The following TPCN2 variants were observed in gnomAD, a reference collection of about 807,000 sequenced individuals.
TPCN2 encodes two pore channel protein 2.
A neutral mutation model predicts 111.4 loss-of-function variants in TPCN2; 92 were observed. The ratio of observed to expected loss-of-function variants is 0.83; its 90% CI spans 0.70 to 0.98. TPCN2 has a LOEUF of 0.98. Among genes scored for constraint, TPCN2 ranks in the 50% least tolerant of loss-of-function variants. The pLI is 0.00. For synonymous variants in TPCN2, 405 were observed against 414.5 expected (o/e 0.98, Z 0.28); for missense variants, 995 against 980.1 (o/e 1.02, Z -0.20).
chr11:69,051,512 C>T (rs1026873541), intron 1 of TPCN2, among the ~76,000 whole-genome samples: 1 of 152,236 alleles, frequency 6.6e-6, no homozygotes, highest in Non-Finnish European at 1.5e-5. Context: ...CAGGACCCTA[C>T]ACAGGTTGTG....
At chr11:69,057,761 G>A in intron 5 of TPCN2, 67 bp downstream of exon 5, 6 of 1,462,632 alleles carry the variant, frequency 4.1e-6, no homozygotes, top group East Asian at 2.3e-5. Context: ...AAGGCCCACG[G>A]GGGTGCTGGG....
chr11:69,071,773 G>C, intron 10 of TPCN2, 150 bp from the exon 11 acceptor site: 2 of 678,388 alleles, frequency 2.9e-6, no homozygotes, highest in South Asian at 3.6e-5. Flanking sequence ...TTCCTGGGGG[G>C]TGAGGGGCTG....
intron 5 of TPCN2, among the ~76,000 whole-genome samples, chr11:69,060,186 C>T (rs1443205854): frequency 6.6e-6 from 1 of 152,250 alleles, no homozygotes; most frequent in African/African-American, 2.4e-5. Flanking sequence ...CACTTGGGAA[C>T]ATCCCCTTTC....
At chr11:69,083,474 C>T (rs906104683) in intron 18 of TPCN2, among the ~76,000 whole-genome samples, 19 of 152,196 alleles carry the variant, frequency 1.2e-4, no homozygotes, top group Non-Finnish European at 2.5e-4. Flanking sequence ...CTCAGAGGCC[C>T]CTTCTCAGAC....
At chr11:69,072,605 G>A in intron 11 of TPCN2, 22 bp from the exon 12 acceptor site, 1 of 1,613,464 alleles carries the variant, frequency 6.2e-7, no homozygotes, top group Non-Finnish European at 8.5e-7. Flanking sequence ...GTGCTCACCG[G>A]GCTGTGGGTT....
intron 13 of TPCN2, among the ~76,000 whole-genome samples, chr11:69,075,948 T>G (rs1313096301): frequency 6.6e-6 from 1 of 152,216 alleles, no homozygotes. Flanking sequence ...GTTACACAGC[T>G]AACATATGAA....
At chr11:69,060,304 T>TCCGGCTGGG (rs1173563312) in intron 5 of TPCN2, among the ~76,000 whole-genome samples, 1 of 152,232 alleles carries the variant, frequency 6.6e-6, no homozygotes, top group Admixed American at 6.5e-5. Context: ...TGTGTGTGTT[T>TCCGGCTGGG]CCGGCTGGGC....
chr11:69,050,189 C>T (rs935121797), intron 1 of TPCN2, among the ~76,000 whole-genome samples: 3 of 152,236 alleles, frequency 2.0e-5, no homozygotes, highest in South Asian at 2.1e-4. Flanking sequence ...CAGAAGCTGC[C>T]TCCAGGAAGT....
chr11:69,063,071 A>G, intron 6 of TPCN2, 81 bp downstream of exon 6: 1 of 1,275,050 alleles, frequency 7.8e-7, no homozygotes, highest in South Asian at 1.2e-5. Context: ...GGTGGGGCCC[A>G]CCGGAGTCTC....
At chr11:69,049,977 A>C (rs1366974177) in intron 1 of TPCN2, among the ~76,000 whole-genome samples, 1 of 152,172 alleles carries the variant, frequency 6.6e-6, no homozygotes, top group African/African-American at 2.4e-5. Flanking sequence ...AACCACTCTG[A>C]GAATTCACAC....
chr11:69,068,143 G>T (rs570214775), intron 8 of TPCN2, among the ~76,000 whole-genome samples: 1 of 152,348 alleles, frequency 6.6e-6, no homozygotes, highest in Non-Finnish European at 1.5e-5. Flanking sequence ...TGCAGGTGTG[G>T]CCAGGATGGA....
At chr11:69,076,977 A>G (rs111200393) in intron 13 of TPCN2, among the ~76,000 whole-genome samples, 4,482 of 17,246 alleles carry the variant, frequency 0.26, 132 homozygotes, top group Non-Finnish European at 0.29. Context: ...CCCTCCTGCC[A>G]TGTCCCTCCA....
At chr11:69,080,545 G>A (rs1855961086) in intron 17 of TPCN2, among the ~76,000 whole-genome samples, 1 of 152,216 alleles carries the variant, frequency 6.6e-6, no homozygotes, top group African/African-American at 2.4e-5. Context: ...CAGGAAGGGT[G>A]GGGCACGGGG....
intron 19 of TPCN2, among the ~76,000 whole-genome samples, chr11:69,084,292 GTC>G (rs1856176562): frequency 6.6e-6 from 1 of 152,180 alleles, no homozygotes; most frequent in African/African-American, 2.4e-5. Flanking sequence ...TAATTTTTGA[GTC>G]TCTCGTGTTT....
intron 8 of TPCN2, 39 bp from the exon 9 acceptor site, chr11:69,070,391 C>G: frequency 6.6e-7 from 1 of 1,521,272 alleles, no homozygotes; most frequent in African/African-American, 1.4e-5. Flanking sequence ...GGATCAGGTA[C>G]TGAGGTTGTC....
intron 16 of TPCN2, 73 bp from the exon 17 acceptor site, chr11:69,079,761 T>G: frequency 7.0e-7 from 1 of 1,426,368 alleles, no homozygotes. Flanking sequence ...AGATGAGCTT[T>G]ATAATAATTC....
intron 1 of TPCN2, among the ~76,000 whole-genome samples, chr11:69,052,094 G>A (rs1861250492): frequency 6.6e-6 from 1 of 152,190 alleles, no homozygotes; most frequent in Non-Finnish European, 1.5e-5. Context: ...AGGGAACCAC[G>A]AGTGCTGGAT....
intron 16 of TPCN2, 69 bp downstream of exon 16, chr11:69,079,089 G>T: frequency 2.0e-6 from 3 of 1,534,684 alleles, no homozygotes; most frequent in South Asian, 1.3e-5. Flanking sequence ...GCTCTGTGCT[G>T]GCCCATCTCA....
intron 13 of TPCN2, 23 bp downstream of exon 13, chr11:69,073,024 A>C (rs779143989): frequency 6.3e-7 from 1 of 1,583,806 alleles, no homozygotes; most frequent in East Asian, 2.2e-5. Context: ...ACAGCCGCCC[A>C]GGGTGGATAG....
Sources: allele counts gnomAD v4.1 joint callset (sites outside exome capture counted in the v4.1 genomes callset), GRCh38; gene constraint gnomAD v4.1.1; transcripts MANE v1.5; gene names NCBI Gene and HGNC (gene_info 2026-07-23, HGNC 2026-07-21).